RBM12B: variants seen among roughly 807,000 people sequenced by gnomAD.
The protein encoded by RBM12B is RNA-binding protein 12B.
Under a neutral mutation model 34.3 loss-of-function variants are expected in RBM12B, and 10 were observed. That is an observed-to-expected ratio of 0.29 (90% CI 0.18 to 0.49). RBM12B has a LOEUF of 0.49. Among genes scored for constraint, RBM12B ranks in the 20% least tolerant of loss-of-function variants. RBM12B has a pLI of 0.99. For synonymous variants in RBM12B, 477 were observed against 437.1 expected (o/e 1.09, Z -1.14); for missense variants, 1,139 against 1,262.7 (o/e 0.90, Z 1.48).
chr8:93,735,434 T>C lies in RBM12B; in HGVS notation c.977A>G (p.Tyr326Cys). 6.2e-7 allele frequency: 1 copy of C among 1,613,446 alleles called. No individual in the cohort carries two copies. The highest frequency in any genetic ancestry group is 8.5e-7 in the Non-Finnish European group (1 of 1,179,704). Residue 326 changes from tyrosine to cysteine, a missense_variant, in exon 4 of 4, where the codon TAT (tyrosine) becomes TGT (cysteine). Physicochemically the swap from Tyr to Cys is radical, Grantham distance 194. Coordinates refer to ENST00000520560, the MANE Select transcript of RBM12B (RefSeq NM_001377960.1). ...FLYKDENRTR[Y>C]AFVMFKTLKD... is the part of the protein sequence containing the mutation. ...CAGAGTCTTGAACATCACAAAGGCA[T>C]ATCTTGTTCTATTTTCATCTTTATA...
chr8:93,733,396 GCT>G lies in RBM12B; in HGVS notation c.*7_*8del, dbSNP rs755505646. 2.3e-5 allele frequency: 34 copies of G among 1,509,946 alleles called. No homozygotes were observed. The highest frequency in any genetic ancestry group is 2.8e-5 in the Non-Finnish European group (32 of 1,130,468). 93.5% of individuals were successfully genotyped at this position (1,509,946 alleles called of 1,614,324 possible). A position where few individuals can be genotyped will look rare whatever the true frequency, so the allele number is the denominator to read the frequency against. On this transcript the variant is annotated 3_prime_UTR_variant, in exon 4 of 4. Transcript: ENST00000520560. ...AAGGAAGATAACTGAATTTAGAAAT[GCT>G]CTCTCTCTACAGCAAAGTTAACTTA...
rs1811634198 is a variant in RBM12B at position 93,728,321 on chromosome 8, T to C, written c.*5084A>G. On this transcript the variant is annotated 3_prime_UTR_variant, in exon 4 of 4. Transcript: ENST00000520560. ...AAACTACACATTTCCATTTTCATCA[T>C]AAATGACTTGAAATCCACAATGACT... 6.9e-7 allele frequency: 1 copy of C among 1,454,602 alleles called. No homozygotes were observed. The highest frequency in any genetic ancestry group is 1.2e-5 in the South Asian group (1 of 80,632). 90.1% of individuals were successfully genotyped at this position (1,454,602 alleles called of 1,614,324 possible).
At chr8:93,740,333 A>T (rs1167035438) in intron 2 of RBM12B, 1 of 457,198 alleles carries the variant, frequency 2.2e-6, no homozygotes, top group East Asian at 6.9e-5. Flanking sequence ...CTTTGTCCAC[A>T]ACTCCCAGGG....
In RBM12B at chr8:93,734,341, T is replaced by C; in HGVS notation, c.2070A>G (p.Glu690=). The stretch of plus-strand genomic sequence containing the variant: ...AGTCATCCTCGGGTGGTCGCCTCCA[T>C]TCTCCCTGAAGAGGCCGCCTAAAGT... ...EEDFRRPLQG[E]WRRPPEDDFR... Residue 690 remains glutamate (E), a synonymous_variant, in exon 4 of 4, where the codon GAA becomes GAG. Transcript: ENST00000520560. The C allele has an allele frequency of 6.3e-7, 1 of 1,591,338 alleles. No individual in the cohort carries two copies. The highest frequency in any genetic ancestry group is 1.7e-5 in the Admixed American group (1 of 57,398).
rs376648806 is a variant in RBM12B, at chr8:93,733,700, C to G, written c.2711G>C (p.Gly904Ala). 63 of 1,614,062 alleles carry G rather than the reference C, an allele frequency of 3.9e-5. No homozygotes were observed. The African/African-American group carries it at 7.9e-4, about 20-fold the overall frequency. Residue 904 changes from glycine (G) to alanine (A), a missense_variant, in exon 4 of 4, where the codon GGA becomes GCA. Physicochemically the swap from Gly to Ala is moderately conservative, Grantham distance 60. This residue lies in a region of RBM12B where 863 missense variants were observed against 869.5 expected (regional missense o/e 0.99). Transcript: ENST00000520560. ...CATAAATCTCCCCTCAGGAAAACTT[C>G]CCATATTATGCTTTCCAAAATCAAA... ...GKFDFGKHNMGSFPEGRFMPD... is the reference protein window; with the variant it reads ...GKFDFGKHNMASFPEGRFMPD...
rs372294052 is a variant in RBM12B, at chr8:93,733,689, C to G, written c.2722G>C (p.Glu908Gln). Residue 908 changes from glutamate (E) to glutamine (Q), a missense_variant, in exon 4 of 4, where the codon GAG becomes CAG. By Grantham distance (29) the Glu-to-Gln change is conservative. Around this residue, in one of 3 missense-constraint regions of RBM12B, gnomAD observed 863 missense variants for 869.5 expected, o/e 0.99. Coordinates refer to ENST00000520560, the MANE Select transcript of RBM12B (RefSeq NM_001377960.1). ...FGKHNMGSFP[E>Q]GRFMPDPKIN... ...TTTGGATCAGGCATAAATCTCCCCT[C>G]AGGAAAACTTCCCATATTATGCTTT... The G allele has an allele frequency of 2.5e-6, 4 of 1,613,942 alleles. No homozygotes were observed. The African/African-American group carries it at 5.3e-5, about 22-fold the overall frequency.
chr8:93,736,054 A>G lies in RBM12B; in HGVS notation c.357T>C (p.Asn119=), dbSNP rs776798320. The part of the protein sequence containing the change: ...FIESVKEEAS[N]SGYGSSINQD... ...GATTAATTGAAGAGCCATATCCAGA[A>G]TTACTTGCTTCTTCCTTAACAGACT... The change falls in exon 4 of 4, where the codon AAT becomes AAC. Residue 119 remains asparagine (N), a synonymous_variant. Transcript: ENST00000520560. 2 of 1,614,238 alleles carry G rather than the reference A, an allele frequency of 1.2e-6. No individual in the cohort carries two copies. Among genetic ancestry groups the G allele is most frequent in the Non-Finnish European group, 1.7e-6 (2 of 1,180,046 alleles).
chr8:93,737,285 C>A (rs1586314497), intron 3 of RBM12B, 22 bp downstream of exon 3: 1 of 152,098 alleles, frequency 6.6e-6, no homozygotes, highest in Non-Finnish European at 1.5e-5. Context: ...AGCCTCAAAG[C>A]CTTAAACTCT....
In RBM12B at chr8:93,734,652, A is replaced by T; in HGVS notation, c.1759T>A (p.Phe587Ile). Residue 587 changes from phenylalanine (F) to isoleucine (I), a missense_variant, in exon 4 of 4, where the codon TTC (phenylalanine) becomes ATC (isoleucine). This residue lies in a region of RBM12B where 863 missense variants were observed against 869.5 expected (regional missense o/e 0.99). Transcript: ENST00000520560. ...EDFRRPREEDFRRPSEEDFRR... is the reference protein window; with the variant it reads ...EDFRRPREEDIRRPSEEDFRR... ...AAGTCCTCCTCAGAAGGCCGCCTGA[A>T]GTCTTCCTCCCTAGGTCGCCTGAAG... The T allele has an allele frequency of 6.2e-7, 1 of 1,613,124 alleles. No homozygotes were observed. Among genetic ancestry groups the T allele is most frequent in the African/African-American group, 1.3e-5 (1 of 74,760 alleles).
In RBM12B at chr8:93,735,892, G is replaced by C. The variant is rs1451172676; in HGVS notation, c.519C>G (p.Val173=). 10 of 1,613,938 alleles carry C rather than the reference G, an allele frequency of 6.2e-6. No homozygotes were observed. Among genetic ancestry groups the C allele is most frequent in the African/African-American group, 4.0e-5 (3 of 74,914 alleles). The change falls in exon 4 of 4, where the codon GTC becomes GTG. Residue 173 remains valine (V), a synonymous_variant. Transcript: ENST00000520560. Reference sequence around the variant, plus strand: ...CATCCACGCACAAACCAGAGAAAAAGACACGTACATCATCTTCATTTACTA... The same window carrying C: ...CATCCACGCACAAACCAGAGAAAAACACACGTACATCATCTTCATTTACTA... The part of the protein sequence containing the change: ...PYLVNEDDVR[V]FFSGLCVDGV...
chr8:93,740,781 C>T (rs560942892), intron 1 of RBM12B, 85 bp from the exon 2 acceptor site: 1 of 336,198 alleles, frequency 3.0e-6, no homozygotes, highest in East Asian at 8.2e-5. Context: ...GGCGCGGCCG[C>T]CGGTCCCGCC....
chr8:93,735,487 A>C lies in RBM12B; in HGVS notation c.924T>G (p.Asp308Glu). 6.2e-7 allele frequency: 1 copy of C among 1,613,476 alleles called. No homozygotes were observed. The highest frequency in any genetic ancestry group is 8.5e-7 in the Non-Finnish European group (1 of 1,179,616). Residue 308 changes from aspartate to glutamate, a missense_variant, in exon 4 of 4, where the codon GAT becomes GAG. Physicochemically the swap from Asp to Glu is conservative, Grantham distance 45. Around this residue, in one of 3 missense-constraint regions of RBM12B, gnomAD observed 863 missense variants for 869.5 expected, o/e 0.99. Transcript: ENST00000520560. ...RDLRNFFRGTDLTDEQIRFLY... is the reference protein window; with the variant it reads ...RDLRNFFRGTELTDEQIRFLY... Reference sequence around the variant, plus strand: ...AAAACCTAATCTGTTCATCAGTCAGATCAGTACCTCTAAAGAAATTTCTTA... The same window carrying C: ...AAAACCTAATCTGTTCATCAGTCAGCTCAGTACCTCTAAAGAAATTTCTTA...
chr8:93,734,181 G>A lies in RBM12B; in HGVS notation c.2230C>T (p.Pro744Ser), dbSNP rs755402350. 8 of 1,578,494 alleles carry A rather than the reference G, an allele frequency of 5.1e-6. 1 individual carries two copies. Among genetic ancestry groups the A allele is most frequent in the Middle Eastern group, 1.8e-4 (1 of 5,510 alleles). ...GGGGGAGGCCGCCTAAAATGCTCTG[G>A]AGGTGGTCTCCGGAAATGCTCTGGG... ...PPPEHFRRPPPEHFRRPPPEH... is the reference protein window; with the variant it reads ...PPPEHFRRPPSEHFRRPPPEH... Residue 744 changes from proline (P) to serine (S), a missense_variant, in exon 4 of 4, where the codon CCA (proline) becomes TCA (serine). Around this residue, in one of 3 missense-constraint regions of RBM12B, gnomAD observed 863 missense variants for 869.5 expected, o/e 0.99. Transcript: ENST00000520560.
At position 93,734,735 on chromosome 8, in the gene RBM12B, C is replaced by T. The variant is rs560665909; in HGVS notation, c.1676G>A (p.Arg559Gln). 50 of 1,614,096 alleles carry T rather than the reference C, an allele frequency of 3.1e-5. 2 individuals carry two copies. In the South Asian group the frequency reaches 4.2e-4, roughly 13 times the overall value. The change falls in exon 4 of 4, where the codon CGA (arginine) becomes CAA (glutamine). Residue 559 changes from arginine (R) to glutamine (Q), a missense_variant. Arg to Gln is a conservative substitution (Grantham distance 43). Transcript: ENST00000520560. ...GAACCTAAAGTCCTCTGAGGAGTGT[C>T]GGAAGTCTTCTGGAGGGTGCCTGTC... ...QPDRHPPEDF[R>Q]HSSEDFRFPP...
Position 93,735,611 on chromosome 8 carries a change from C to T in RBM12B, c.800G>A (p.Arg267Gln), listed in dbSNP as rs777782711. 13 of 1,613,782 alleles carry T rather than the reference C, an allele frequency of 8.1e-6. No individual in the cohort carries two copies. The highest frequency in any genetic ancestry group is 1.3e-5 in the African/African-American group (1 of 74,840). Residue 267 changes from arginine to glutamine, a missense_variant, in exon 4 of 4, where the codon CGG becomes CAG. Physicochemically the swap from Arg to Gln is conservative, Grantham distance 43. Coordinates refer to ENST00000520560, the MANE Select transcript of RBM12B (RefSeq NM_001377960.1). ...RGINDRHFRK[R>Q]SHSKSPRRTR... ...TCTTCTGGGAGATTTTGAATGAGAC[C>T]GTTTTCGAAAATGTCTATCATTAAT... is the stretch of plus-strand genomic sequence containing the variant.
intron 1 of RBM12B, 72 bp downstream of exon 1, chr8:93,740,809 C>T: frequency 8.9e-6 from 3 of 337,464 alleles, no homozygotes; most frequent in South Asian, 6.9e-5. Context: ...GTTCTTCCGG[C>T]TTGGTCGCCC....
Position 93,731,608 on chromosome 8 carries a change from G to C in RBM12B, c.*1797C>G, listed in dbSNP as rs1465374511. 1 of 152,068 alleles carries C rather than the reference G, an allele frequency of 6.6e-6. No homozygotes were observed. The highest frequency in any genetic ancestry group is 2.4e-5 in the African/African-American group (1 of 41,428). 9.4% of individuals were successfully genotyped at this position (152,068 alleles called of 1,614,324 possible). ...TTAGATTTCTTTAAATCACTGAAAA[G>C]TAACACAAAAATACATATAGGTAGT... On this transcript the variant is annotated 3_prime_UTR_variant, in exon 4 of 4. Coordinates refer to ENST00000520560, the MANE Select transcript of RBM12B (RefSeq NM_001377960.1).
chr8:93,740,080 C>A, intron 2 of RBM12B: 1 of 351,464 alleles, frequency 2.8e-6, no homozygotes, highest in Non-Finnish European at 5.6e-6. Flanking sequence ...CATGATGTAG[C>A]ATATTCACAC....
rs949133423 is a variant in RBM12B, at chr8:93,734,788, C to T, written c.1623G>A (p.Lys541=). ...GCTGCCGGAAATCCCTCTGGGGATG[C>T]TTGAAGTTATCCAGTTGCCTCAAGT... ...LEDLRQLDNF[K]HPQRDFRQPD... is the part of the protein sequence containing the mutation. The change falls in exon 4 of 4, where the codon AAG becomes AAA. Residue 541 remains lysine (K), a synonymous_variant. Transcript: ENST00000520560. 2.5e-6 allele frequency: 4 copies of T among 1,614,026 alleles called. No homozygotes were observed. The highest frequency in any genetic ancestry group is 3.4e-6 in the Non-Finnish European group (4 of 1,180,030).
Sources: gnomAD v4.1 joint callset for allele counts on GRCh38, gnomAD v4.1.1 for gene constraint, gnomAD v4.1.1 regional missense constraint, MANE v1.5 for transcripts, NCBI Gene and HGNC (gene_info 2026-07-23, HGNC 2026-07-21) for gene names.